PTPN2: variants seen among roughly 807,000 people sequenced by gnomAD.
PTPN2 encodes the protein tyrosine-protein phosphatase non-receptor type 2.
In PTPN2, 19 loss-of-function variants were observed where a neutral mutation model predicts 57.3. The ratio of observed to expected loss-of-function variants is 0.33; its 90% confidence interval spans 0.23 to 0.49. The LOEUF (loss-of-function observed/expected upper bound fraction) is 0.49. PTPN2 is among the 20% of genes least tolerant of loss of function. The pLI, the probability that PTPN2 is intolerant of heterozygous loss-of-function variation, is 0.99. For missense variants in PTPN2, 358 were observed against 501.1 expected (o/e 0.71, Z 2.73); for synonymous variants, 153 against 164.9 (o/e 0.93, Z 0.55).
chr18:12,830,115 T>A (rs2042617813), intron 4 of PTPN2, among the ~76,000 whole-genome samples: 1 of 148,296 alleles, frequency 6.7e-6, no homozygotes, highest in Non-Finnish European at 1.5e-5. Flanking sequence ...TTTTTTTTTC[T>A]TTTTTGAGAT....
chr18:12,847,246 C>CCT (rs2043241348), intron 2 of PTPN2, among the ~76,000 whole-genome samples: 1 of 152,112 alleles, frequency 6.6e-6, no homozygotes, highest in East Asian at 1.9e-4. Context: ...GAAGATCCAC[C>CCT]CTCTGCGTGA....
At chr18:12,869,671 T>C (rs2044120038) in intron 1 of PTPN2, among the ~76,000 whole-genome samples, 1 of 152,196 alleles carries the variant, frequency 6.6e-6, no homozygotes, top group Non-Finnish European at 1.5e-5. Flanking sequence ...AATAAGAACT[T>C]AGGAAATTGA....
At chr18:12,870,439 GTGTATATATATATATATATA>G (rs2044207463) in intron 1 of PTPN2, among the ~76,000 whole-genome samples, 2 of 30,368 alleles carry the variant, frequency 6.6e-5, no homozygotes, top group African/African-American at 6.4e-4. Context: ...ATATATATAT[GTGTATATATATATATATATA>G]TATAGAGAGA....
chr18:12,878,421 G>A (rs1295775124), intron 1 of PTPN2, among the ~76,000 whole-genome samples: 3 of 152,050 alleles, frequency 2.0e-5, no homozygotes, highest in African/African-American at 7.2e-5. Context: ...AATCCCAGCA[G>A]CACTTTGGGA....
intron 2 of PTPN2, among the ~76,000 whole-genome samples, chr18:12,855,885 T>A (rs1018565484): frequency 2.0e-5 from 3 of 152,236 alleles, no homozygotes; most frequent in Non-Finnish European, 4.4e-5. Context: ...CAAAGTAATA[T>A]GCTTCACTAC....
chr18:12,826,000 A>C, intron 4 of PTPN2, 56 bp from the exon 5 acceptor site: 1 of 1,418,642 alleles, frequency 7.0e-7, no homozygotes, highest in Non-Finnish European at 9.6e-7. Context: ...TCATGAAACC[A>C]TAAAGTTAAA....
chr18:12,882,872 A>G (rs1183427907), intron 1 of PTPN2, among the ~76,000 whole-genome samples: 1 of 152,246 alleles, frequency 6.6e-6, no homozygotes, highest in Non-Finnish European at 1.5e-5. Context: ...CTTTACACAG[A>G]GAGAACCAAA....
At chr18:12,859,985 T>C (rs2145477602) in intron 1 of PTPN2, among the ~76,000 whole-genome samples, 1 of 151,938 alleles carries the variant, frequency 6.6e-6, no homozygotes, top group South Asian at 2.1e-4. Context: ...AAAACCCAGC[T>C]CTATTAAAAA....
At chr18:12,799,496 T>G (rs1423049735) in intron 8 of PTPN2, among the ~76,000 whole-genome samples, 1 of 152,114 alleles carries the variant, frequency 6.6e-6, no homozygotes. Context: ...CAAAGCTATC[T>G]ATAGGTATTA....
intron 1 of PTPN2, among the ~76,000 whole-genome samples, chr18:12,874,996 T>C (rs1041514257): frequency 3.9e-5 from 6 of 152,178 alleles, no homozygotes; most frequent in Admixed American, 6.5e-5. Context: ...CCTGTTGATC[T>C]GTGACCTTAC....
At chr18:12,847,367 A>C (rs1027159641) in intron 2 of PTPN2, among the ~76,000 whole-genome samples, 3 of 152,142 alleles carry the variant, frequency 2.0e-5, no homozygotes, top group Non-Finnish European at 4.4e-5. Context: ...TCGCTCATGA[A>C]CCCTAGTTCT....
intron 7 of PTPN2, among the ~76,000 whole-genome samples, chr18:12,808,654 G>A (rs1414902783): frequency 6.6e-6 from 1 of 152,104 alleles, no homozygotes; most frequent in African/African-American, 2.4e-5. Context: ...GGTGGCACAC[G>A]CCTATAGTCC....
intron 2 of PTPN2, among the ~76,000 whole-genome samples, chr18:12,839,755 C>T (rs2042984025): frequency 6.6e-6 from 1 of 152,096 alleles, no homozygotes; most frequent in Non-Finnish European, 1.5e-5. Flanking sequence ...AATACCCAAA[C>T]AGAACTGTGG....
At chr18:12,791,675 G>A (rs2040985630), downstream of PTPN2, among the ~76,000 whole-genome samples, 1 of 152,156 alleles carries the variant, frequency 6.6e-6, no homozygotes, top group African/African-American at 2.4e-5. Flanking sequence ...CCCTTCTCAA[G>A]GATCTGCTCA....
chr18:12,795,937 C>CTT (rs71174143), intron 8 of PTPN2, among the ~76,000 whole-genome samples: 20,601 of 139,946 alleles, frequency 0.15, 1,607 homozygotes, highest in African/African-American at 0.19. Context: ...GATTTAAAAT[C>CTT]TTTTTTTTTT....
chr18:12,871,143 T>C (rs940659525), intron 1 of PTPN2, among the ~76,000 whole-genome samples: 4 of 152,216 alleles, frequency 2.6e-5, no homozygotes, highest in African/African-American at 9.6e-5. Flanking sequence ...AGTACTTCCA[T>C]ATAGATAATG....
intron 5 of PTPN2, among the ~76,000 whole-genome samples, chr18:12,817,824 T>C (rs1188253997): frequency 5.3e-5 from 8 of 152,216 alleles, no homozygotes; most frequent in South Asian, 4.1e-4. Context: ...TCATGTATCA[T>C]GAATGGGCTA....
At chr18:12,837,166 G>A (rs761585327) in intron 2 of PTPN2, among the ~76,000 whole-genome samples, 2 of 152,080 alleles carry the variant, frequency 1.3e-5, no homozygotes, top group African/African-American at 4.8e-5. Flanking sequence ...AGTAAACATA[G>A]TTAAATGAAT....
At chr18:12,836,750 C>G (rs369369259) in intron 3 of PTPN2, 41 bp downstream of exon 3, 3 of 1,266,792 alleles carry the variant, frequency 2.4e-6, no homozygotes, top group Non-Finnish European at 3.4e-6. Flanking sequence ...CAAGCACAAA[C>G]ACATCATTTT....
Sources: gnomAD v4.1 joint callset for allele counts (sites outside exome capture counted in the v4.1 genomes callset) on GRCh38, gnomAD v4.1.1 for gene constraint, MANE v1.5 for transcripts, NCBI Gene and HGNC (gene_info 2026-07-23, HGNC 2026-07-21) for gene names.